IMMP2L: variants seen among roughly 807,000 people sequenced by gnomAD.
The protein encoded by IMMP2L is mitochondrial inner membrane protease subunit 2.
Under a neutral mutation model 19.3 loss-of-function variants are expected in IMMP2L, and 18 were observed. That is an observed-to-expected ratio of 0.93 (90% CI 0.64 to 1.38). The LOEUF (loss-of-function observed/expected upper bound fraction) is 1.38. Among genes scored for constraint, IMMP2L ranks in the 40% most tolerant of loss-of-function variants. The pLI, the probability that IMMP2L is intolerant of heterozygous loss-of-function variation, is 0.00. For missense variants in IMMP2L, 233 were observed against 218.2 expected, an observed-to-expected ratio of 1.07 and a Z score of -0.43; for synonymous variants, 76 against 73.0, an observed-to-expected ratio of 1.04 and a Z score of -0.21.
intron 3 of IMMP2L, among the ~76,000 whole-genome samples, chr7:111,014,344 G>A (rs1204881633): frequency 1.3e-5 from 2 of 151,802 alleles, no homozygotes; most frequent in African/African-American, 4.8e-5. Context: ...AGGAGAGTGA[G>A]ACTCTGTGTC....
At chr7:111,518,081 C>T (rs1846023027) in intron 2 of IMMP2L, among the ~76,000 whole-genome samples, 1 of 151,748 alleles carries the variant, frequency 6.6e-6, no homozygotes, top group African/African-American at 2.4e-5. Flanking sequence ...CTGATACTTC[C>T]CATGTTTGAT....
chr7:111,095,431 A>C (rs1162278151), intron 3 of IMMP2L, among the ~76,000 whole-genome samples: 1 of 152,104 alleles, frequency 6.6e-6, no homozygotes. Context: ...AAATCCCCCC[A>C]AATTCACAGA....
At chr7:111,500,969 C>G (rs370213985) in intron 2 of IMMP2L, among the ~76,000 whole-genome samples, 2 of 152,104 alleles carry the variant, frequency 1.3e-5, no homozygotes. Context: ...CAAAGCTGGA[C>G]GGAGAATGAC....
At chr7:110,668,596 A>T (rs184093969) in intron 5 of IMMP2L, among the ~76,000 whole-genome samples, 164 of 152,266 alleles carry the variant, frequency 1.1e-3, no homozygotes, top group African/African-American at 3.8e-3. Flanking sequence ...ATTTTTTTTA[A>T]ATCAACACTC....
intron 1 of IMMP2L, among the ~76,000 whole-genome samples, chr7:111,542,294 A>G (rs1004878855): frequency 2.0e-5 from 3 of 152,188 alleles, no homozygotes; most frequent in Non-Finnish European, 2.9e-5. Flanking sequence ...CTAATAAAAT[A>G]AAAACCTCAG....
chr7:111,030,707 T>C (rs1157227195), intron 3 of IMMP2L, among the ~76,000 whole-genome samples: 1 of 151,976 alleles, frequency 6.6e-6, no homozygotes, highest in Non-Finnish European at 1.5e-5. Flanking sequence ...CAGGATTAAC[T>C]ACATAGTTAC....
intron 3 of IMMP2L, among the ~76,000 whole-genome samples, chr7:111,240,984 C>T (rs779319476): frequency 2.6e-5 from 4 of 151,726 alleles, no homozygotes; most frequent in African/African-American, 9.7e-5. Context: ...ACAGGTGGTA[C>T]AGTTATAATA....
At chr7:111,275,236 C>T (rs911805833) in intron 3 of IMMP2L, among the ~76,000 whole-genome samples, 1 of 152,106 alleles carries the variant, frequency 6.6e-6, no homozygotes, top group Non-Finnish European at 1.5e-5. Context: ...TGGAGGGACG[C>T]TAATGAGATA....
intron 3 of IMMP2L, among the ~76,000 whole-genome samples, chr7:111,315,243 T>G (rs546886539): frequency 6.6e-6 from 1 of 152,240 alleles, no homozygotes; most frequent in South Asian, 2.1e-4. Context: ...ATGAAAAATT[T>G]GGGCAGTCCT....
At chr7:110,678,225 C>T (rs1051434946) in intron 5 of IMMP2L, among the ~76,000 whole-genome samples, 30 of 152,242 alleles carry the variant, frequency 2.0e-4, no homozygotes, top group Non-Finnish European at 7.4e-5. Flanking sequence ...ATTTATCCCA[C>T]AGAGTATGCC....
At chr7:111,282,614 C>G (rs1447549405) in intron 3 of IMMP2L, among the ~76,000 whole-genome samples, 1 of 151,778 alleles carries the variant, frequency 6.6e-6, no homozygotes, top group East Asian at 1.9e-4. Context: ...AAGACAGGGT[C>G]TCTCTGTCAC....
chr7:111,284,668 G>T (rs570912583), intron 3 of IMMP2L, among the ~76,000 whole-genome samples: 2 of 152,120 alleles, frequency 1.3e-5, no homozygotes, highest in Non-Finnish European at 2.9e-5. Context: ...AAATAAGAAA[G>T]GTTGCAGGCA....
intron 2 of IMMP2L, among the ~76,000 whole-genome samples, chr7:111,496,016 G>A (rs1182758455): frequency 1.3e-5 from 2 of 152,120 alleles, no homozygotes; most frequent in African/African-American, 2.4e-5. Context: ...CTGTGGAGGC[G>A]GGGGCAATAA....
chr7:111,207,068 C>T (rs1316759022), intron 3 of IMMP2L, among the ~76,000 whole-genome samples: 2 of 152,108 alleles, frequency 1.3e-5, no homozygotes, highest in Non-Finnish European at 2.9e-5. Context: ...AAGTGTCTCT[C>T]CTTTTGGAAT....
At position 110,882,329 on chromosome 7, in the gene IMMP2L, C is replaced by CTTCCTTCCTTCCTTCCTTCCTTCCT. The variant is rs1554445739; in HGVS notation, c.408+4263_408+4264insAGGAAGGAAGGAAGGAAGGAAGGAA. Among the ~76,000 whole-genome samples, 136 of 127,706 alleles carry CTTCCTTCCTTCCTTCCTTCCTTCCT rather than the reference C, an allele frequency of 1.1e-3. 1 individual carries two copies. The highest frequency in any genetic ancestry group is 3.9e-3 in the Middle Eastern group (1 of 258). The allele number at this position is 127,706 out of a possible 152,430, so 83.8% of individuals were successfully genotyped here. On this transcript the variant is annotated intron_variant, in intron 5 of 5. Coordinates refer to ENST00000405709, the MANE Select transcript of IMMP2L (RefSeq NM_032549.4). The stretch of plus-strand genomic sequence containing the variant: ...CCTTCCTTCCTTCCTTCCTTCCTTC[C>CTTCCTTCCTTCCTTCCTTCCTTCCT]TTCCTTCCTTCCCTCCTTCCTCTCT...
At chr7:110,923,693 C>T (rs531587756) in intron 4 of IMMP2L, among the ~76,000 whole-genome samples, 11 of 152,044 alleles carry the variant, frequency 7.2e-5, no homozygotes, top group African/African-American at 2.6e-4. Flanking sequence ...TTGGTCACAG[C>T]TCATTATTAC....
intron 3 of IMMP2L, among the ~76,000 whole-genome samples, chr7:111,320,399 A>G (rs1645547116): frequency 6.6e-6 from 1 of 152,082 alleles, no homozygotes; most frequent in Non-Finnish European, 1.5e-5. Flanking sequence ...CATTTGCTTC[A>G]GCCCATATAA....
At chr7:111,135,946 A>C (rs1488641209) in intron 3 of IMMP2L, among the ~76,000 whole-genome samples, 1 of 152,138 alleles carries the variant, frequency 6.6e-6, no homozygotes, top group African/African-American at 2.4e-5. Flanking sequence ...ATCCTCCTAC[A>C]GCCCTCAAAC....
rs142017614 is a variant in IMMP2L, at chr7:111,360,284, T to C, written c.239+126954A>G. Among the ~76,000 whole-genome samples, 467 of 152,222 alleles carry C rather than the reference T, an allele frequency of 3.1e-3. 8 individuals carry two copies. In the South Asian group the frequency reaches 0.042, roughly 14 times the overall value. Reference sequence around the variant, plus strand: ...ATACTAATTATTAAAATGTAACACTTTTGATAATATTTTAAAGCAGTGTCC... The same window carrying C: ...ATACTAATTATTAAAATGTAACACTCTTGATAATATTTTAAAGCAGTGTCC... On this transcript the variant is annotated intron_variant, in intron 3 of 5. Transcript: ENST00000405709.
Sources: gnomAD v4.1 joint callset for allele counts (sites outside exome capture counted in the v4.1 genomes callset) on GRCh38, gnomAD v4.1.1 for gene constraint, MANE v1.5 for transcripts, NCBI Gene and HGNC (gene_info 2026-07-23, HGNC 2026-07-21) for gene names.